The following DPEP1 variants were observed in gnomAD, a reference collection of about 807,000 sequenced individuals.
The protein encoded by DPEP1 is dipeptidase 1, also known as beta-lactamase.
A neutral mutation model predicts 42.3 loss-of-function variants in DPEP1; 50 were observed. The ratio of observed to expected loss-of-function variants is 1.18; its 90% confidence interval spans 0.94 to 1.50. The LOEUF (loss-of-function observed/expected upper bound fraction) is 1.50. Among genes scored for constraint, DPEP1 ranks in the 40% most tolerant of loss-of-function variants. The pLI, the probability that DPEP1 is intolerant of heterozygous loss-of-function variation, is 0.00. For missense variants in DPEP1, 663 were observed against 553.0 expected (o/e 1.20, Z -1.99); for synonymous variants, 297 against 234.0 (o/e 1.27, Z -2.46).
At chr16:89,630,837 G>C (rs987281865) in intron 2 of DPEP1, among the ~76,000 whole-genome samples, 7 of 151,888 alleles carry the variant, frequency 4.6e-5, no homozygotes, top group Non-Finnish European at 1.5e-5. Context: ...CTGGGGGTGA[G>C]ACTCGTGTGC....
rs73265359 is a variant in DPEP1, at chr16:89,636,336, G to A, written c.310G>A (p.Val104Met). ...AVRRTLEQMD[V>M]VHRMCRMYPE... ...GCGGAGGACGCTGGAGCAGATGGAC[G>A]TGGTCCACCGCATGTGCCGGATGTA... The change falls in exon 4 of 11, where the codon GTG becomes ATG. Residue 104 changes from valine (V) to methionine (M), a missense_variant. Physicochemically the swap from Val to Met is conservative, Grantham distance 21. Coordinates refer to ENST00000690203, the MANE Select transcript of DPEP1 (RefSeq NM_001389466.1). 3,825 of 1,612,556 alleles carry A rather than the reference G, an allele frequency of 2.4e-3. 84 individuals are homozygous for A. The African/African-American group carries it at 0.043, about 18-fold the overall frequency.
chr16:89,621,644 G>A (rs1343161932), intron 1 of DPEP1, among the ~76,000 whole-genome samples: 2 of 152,226 alleles, frequency 1.3e-5, no homozygotes, highest in Non-Finnish European at 2.9e-5. Flanking sequence ...CACGCTGAGT[G>A]TGGGCTCCCG....
In DPEP1 at chr16:89,637,496, A is replaced by G. The variant is rs779515326; in HGVS notation, c.797A>G (p.Asn266Ser). ...CAGACAGACAGCCTGGTGATGGTGA[A>G]CTTCTACAACAATTACATTTCCTGC... ...VKQTDSLVMV[N>S]FYNNYISCTN... The change falls in exon 8 of 11, where the codon AAC becomes AGC. Residue 266 changes from asparagine (N) to serine (S), a missense_variant. Asn to Ser is a conservative substitution (Grantham distance 46). Transcript: ENST00000690203. 6.8e-6 allele frequency: 11 copies of G among 1,612,790 alleles called. No homozygotes were observed. The East Asian group carries it at 2.5e-4, about 36-fold the overall frequency.
downstream of DPEP1, among the ~76,000 whole-genome samples, chr16:89,639,194 GCA>G (rs199829933): frequency 7.1e-4 from 5 of 7,050 alleles, no homozygotes; most frequent in African/African-American, 3.1e-3. Flanking sequence ...CCCCACCCCT[GCA>G]CACACCCCCA....
intron 1 of DPEP1, among the ~76,000 whole-genome samples, chr16:89,624,011 G>T: frequency 6.6e-6 from 1 of 152,160 alleles, no homozygotes; most frequent in South Asian, 2.1e-4. Context: ...TGCACAGACG[G>T]ACTGTGGTGC....
chr16:89,636,660 C>A lies in DPEP1; in HGVS notation c.498C>A (p.Leu166=), dbSNP rs2059684700. The A allele has an allele frequency of 5.6e-6, 9 of 1,612,432 alleles. No homozygotes were observed. Among genetic ancestry groups the A allele is most frequent in the Non-Finnish European group, 5.1e-6 (6 of 1,179,936 alleles). ...AGCTGGGCATGCGGTACCTGACCCT[C>A]ACCCACAGCTGCAACACGCCCTGGT... is the stretch of plus-strand genomic sequence containing the variant. The part of the protein sequence containing the change: ...LYQLGMRYLT[L]THSCNTPWAD... Residue 166 remains leucine, a synonymous_variant, in exon 5 of 11, where the codon CTC becomes CTA. Coordinates refer to ENST00000690203, the MANE Select transcript of DPEP1 (RefSeq NM_001389466.1).
chr16:89,619,897 T>C (rs2059427888), intron 1 of DPEP1, among the ~76,000 whole-genome samples: 1 of 87,750 alleles, frequency 1.1e-5, no homozygotes, highest in East Asian at 2.7e-4. Flanking sequence ...CATTGGCTGC[T>C]TGAAAATGTC....
chr16:89,628,536 G>T (rs922526708), intron 1 of DPEP1, among the ~76,000 whole-genome samples: 3 of 152,068 alleles, frequency 2.0e-5, no homozygotes, highest in Non-Finnish European at 2.9e-5. Context: ...GGGATTACAG[G>T]TGTGAGCCAC....
At chr16:89,640,772 C>T (rs1379615682), downstream of DPEP1, among the ~76,000 whole-genome samples, 4 of 152,074 alleles carry the variant, frequency 2.6e-5, no homozygotes, top group East Asian at 1.9e-4. Context: ...AGGTTTTTCT[C>T]CTCGTGTACG....
intron 1 of DPEP1, among the ~76,000 whole-genome samples, chr16:89,627,295 AT>A (rs904129571): frequency 6.9e-6 from 1 of 144,312 alleles, no homozygotes; most frequent in Non-Finnish European, 1.5e-5. Context: ...AAAAAGTCAG[AT>A]GTGGGATCAG....
At chr16:89,627,467 C>G (rs986345879) in intron 1 of DPEP1, among the ~76,000 whole-genome samples, 2 of 151,052 alleles carry the variant, frequency 1.3e-5, no homozygotes, top group Admixed American at 6.6e-5. Flanking sequence ...CCTGTAATCC[C>G]AGCTACTCCG....
chr16:89,621,040 G>T (rs1031810903), intron 1 of DPEP1, among the ~76,000 whole-genome samples: 1 of 152,112 alleles, frequency 6.6e-6, no homozygotes, highest in Admixed American at 6.5e-5. Flanking sequence ...GGCAGTGAAG[G>T]GTGAGGCTCT....
At chr16:89,641,389 T>A (rs1033161466), downstream of DPEP1, among the ~76,000 whole-genome samples, 1 of 152,204 alleles carries the variant, frequency 6.6e-6, no homozygotes, top group Non-Finnish European at 1.5e-5. Context: ...AGTGGCCCTG[T>A]CCGGGCGTAA....
chr16:89,616,365 C>T (rs2059379096), intron 1 of DPEP1, among the ~76,000 whole-genome samples: 1 of 152,166 alleles, frequency 6.6e-6, no homozygotes, highest in Admixed American at 6.5e-5. Flanking sequence ...CAGTATGGCC[C>T]AGCCAGCTGT....
At chr16:89,628,816 C>T (rs776122648) in intron 1 of DPEP1, among the ~76,000 whole-genome samples, 1 of 151,200 alleles carries the variant, frequency 6.6e-6, no homozygotes, top group Non-Finnish European at 1.5e-5. Flanking sequence ...GGAGGGGGGG[C>T]GGTTTGTGTT....
chr16:89,638,382 A>C lies in DPEP1; in HGVS notation c.*160A>C, dbSNP rs2059712395. Reference sequence around the variant, plus strand: ...CCTGGGGGGCAGGATGCCTGGGGACAGTTCAGGACACACACACAGTAGGCC... The same window carrying C: ...CCTGGGGGGCAGGATGCCTGGGGACCGTTCAGGACACACACACAGTAGGCC... On this transcript the variant is annotated 3_prime_UTR_variant, in exon 11 of 11. Coordinates refer to ENST00000690203, the MANE Select transcript of DPEP1 (RefSeq NM_001389466.1). 4 of 1,411,534 alleles carry C rather than the reference A, an allele frequency of 2.8e-6. No homozygotes were observed. The highest frequency in any genetic ancestry group is 3.7e-6 in the Non-Finnish European group (4 of 1,088,906). The allele number at this position is 1,411,534 out of a possible 1,614,324, so 87.4% of individuals were successfully genotyped here.
rs568993381 is a variant in DPEP1 at position 89,615,981 on chromosome 16, G to T, written c.-107+2262G>T. ...CCCTACGTGTCGTGTCCCCAGGCAG[G>T]AGAATTACTTGAACCTGGGAGGCAG... On this transcript the variant is annotated intron_variant, in intron 1 of 10. Transcript: ENST00000690203. 5.9e-5 allele frequency among the ~76,000 whole-genome samples: 9 copies of T among 152,252 alleles called. No homozygotes were observed. In the South Asian group the frequency reaches 1.9e-3, roughly 32 times the overall value.
downstream of DPEP1, chr16:89,640,690 G>A: frequency 1.0e-6 from 1 of 962,572 alleles, no homozygotes; most frequent in Non-Finnish European, 1.2e-6. Flanking sequence ...AGACTCGGGG[G>A]GTCCCTGGTG....
downstream of DPEP1, among the ~76,000 whole-genome samples, chr16:89,641,395 C>T (rs988879912): frequency 2.6e-5 from 4 of 152,322 alleles, no homozygotes; most frequent in South Asian, 4.1e-4. Context: ...CCTGTCCGGG[C>T]GTAACGGGGG....
Sources: gnomAD v4.1 joint callset for allele counts (sites outside exome capture counted in the v4.1 genomes callset) on GRCh38, gnomAD v4.1.1 for gene constraint, MANE v1.5 for transcripts, NCBI Gene and HGNC (gene_info 2026-07-23, HGNC 2026-07-21) for gene names.